GPD2: variants seen among roughly 807,000 people sequenced by gnomAD.
GPD2 encodes the protein glycerol-3-phosphate dehydrogenase 2.
A neutral mutation model predicts 82.4 loss-of-function variants in GPD2; 54 were observed. That is an observed-to-expected ratio of 0.66 (90% confidence interval 0.53 to 0.82). The LOEUF is 0.82. Among genes scored for constraint, GPD2 ranks in the 40% least tolerant of loss-of-function variants. The pLI, the probability that GPD2 is intolerant of heterozygous loss-of-function variation, is 0.00. For synonymous variants in GPD2, 288 were observed against 306.1 expected (o/e 0.94, Z 0.62); for missense variants, 748 against 896.2 (o/e 0.83, Z 2.11).
At chr2:156,510,732 C>T in intron 3 of GPD2, 64 bp from the exon 4 acceptor site, 1 of 1,343,982 alleles carries the variant, frequency 7.4e-7, no homozygotes, top group East Asian at 2.3e-5. Flanking sequence ...TGGAGAAGTG[C>T]CTTTAATGAA....
intron 16 of GPD2, among the ~76,000 whole-genome samples, chr2:156,581,672 A>G (rs1045045644): frequency 1.3e-5 from 2 of 152,094 alleles, no homozygotes; most frequent in African/African-American, 4.8e-5. Context: ...TAATCTTCAC[A>G]GAAGGATCAC....
At position 156,513,385 on chromosome 2, in the gene GPD2, G is replaced by T; in HGVS notation, c.550G>T (p.Ala184Ser). ...WVGIKLYDLVAGSNCLKSSYV... is the reference protein window; with the variant it reads ...WVGIKLYDLVSGSNCLKSSYV... ...AGGAATCAAGCTGTATGATTTGGTT[G>T]CAGGAAGCAATTGCCTAAAAAGCAG... The change falls in exon 6 of 17, where the codon GCA becomes TCA. Residue 184 changes from alanine to serine, a missense_variant. Transcript: ENST00000438166. 6.2e-7 allele frequency: 1 copy of T among 1,612,086 alleles called. No individual in the cohort carries two copies. Among genetic ancestry groups the T allele is most frequent in the Non-Finnish European group, 8.5e-7 (1 of 1,178,950 alleles).
At chr2:156,497,126 A>G (rs1310541172) in intron 3 of GPD2, among the ~76,000 whole-genome samples, 3 of 152,188 alleles carry the variant, frequency 2.0e-5, no homozygotes, top group Non-Finnish European at 2.9e-5. Flanking sequence ...AAATCTGGGT[A>G]CTTATCCTGG....
chr2:156,501,345 A>C (rs1287938278), intron 3 of GPD2, among the ~76,000 whole-genome samples: 1 of 152,150 alleles, frequency 6.6e-6, no homozygotes, highest in African/African-American at 2.4e-5. Flanking sequence ...TTCCTAAGGC[A>C]GTATAGCGCA....
At chr2:156,537,326 A>G (rs1051099441) in intron 6 of GPD2, among the ~76,000 whole-genome samples, 13 of 152,214 alleles carry the variant, frequency 8.5e-5, no homozygotes, top group African/African-American at 2.9e-4. Context: ...TGACTGTCTC[A>G]GAAACTAATA....
rs564236510 is a variant in GPD2, at chr2:156,444,595, C to T, written c.-9+8082C>T. On this transcript the variant is annotated intron_variant, in intron 1 of 16. Transcript: ENST00000438166. ...AGGCGTGGTGGTGGGTGCCTGTATTCCTAGCTACTCGGGAGGCTGAGGCAT... is the reference window on the plus strand; with the variant it reads ...AGGCGTGGTGGTGGGTGCCTGTATTTCTAGCTACTCGGGAGGCTGAGGCAT... 2.0e-5 allele frequency among the ~76,000 whole-genome samples: 3 copies of T among 152,096 alleles called. No individual in the cohort carries two copies. The East Asian group carries it at 5.8e-4, about 29-fold the overall frequency.
the GPD2 span, among the ~76,000 whole-genome samples, chr2:156,400,340 C>G: frequency 6.6e-6 from 1 of 152,240 alleles, no homozygotes; most frequent in Non-Finnish European, 1.5e-5. Context: ...GGCCCGGGCT[C>G]GAGGTTTGGA....
chr2:156,448,344 G>A (rs1573876620), intron 1 of GPD2, among the ~76,000 whole-genome samples: 1 of 152,142 alleles, frequency 6.6e-6, no homozygotes, highest in East Asian at 1.9e-4. Flanking sequence ...TCCTGACCTC[G>A]TGATCCACCA....
rs1358961804 is a variant in GPD2 at position 156,571,156 on chromosome 2, A to G, written c.1631A>G (p.Tyr544Cys). 6.2e-7 allele frequency: 1 copy of G among 1,609,536 alleles called. No individual in the cohort carries two copies. Among genetic ancestry groups the G allele is most frequent in the East Asian group, 2.2e-5 (1 of 44,864 alleles). ...EAEVKYGIKE[Y>C]ACTAVDMISR... ...CAGGTGAAATATGGGATTAAGGAGTATGCCTGCACTGCTGTGGATATGATT... is the reference window on the plus strand; with the variant it reads ...CAGGTGAAATATGGGATTAAGGAGTGTGCCTGCACTGCTGTGGATATGATT... Residue 544 changes from tyrosine (Y) to cysteine (C), a missense_variant, in exon 13 of 17, where the codon TAT (tyrosine) becomes TGT (cysteine). By Grantham distance (194) the Tyr-to-Cys change is radical. This residue lies in a region of GPD2 where 692 missense variants were observed against 809.7 expected (regional missense o/e 0.85). Transcript: ENST00000438166.
chr2:156,570,817 G>A (rs1404670224), intron 12 of GPD2, among the ~76,000 whole-genome samples: 1 of 152,174 alleles, frequency 6.6e-6, no homozygotes, highest in African/African-American at 2.4e-5. Flanking sequence ...TCCACATTAT[G>A]TATAAGCATA....
intron 11 of GPD2, 64 bp downstream of exon 11, chr2:156,569,602 ACTGGC>A: frequency 8.2e-7 from 1 of 1,218,178 alleles, no homozygotes; most frequent in Non-Finnish European, 1.2e-6. Context: ...CAGTGACAGA[ACTGGC>A]AGCAATCAGG....
At chr2:156,515,888 C>T (rs538527042) in intron 6 of GPD2, among the ~76,000 whole-genome samples, 2 of 152,256 alleles carry the variant, frequency 1.3e-5, no homozygotes, top group Admixed American at 6.5e-5. Flanking sequence ...TGTGGTTTTA[C>T]AACTATATTT....
At chr2:156,469,443 G>A (rs1683252190) in intron 1 of GPD2, among the ~76,000 whole-genome samples, 1 of 152,180 alleles carries the variant, frequency 6.6e-6, no homozygotes, top group African/African-American at 2.4e-5. Flanking sequence ...AGGATTACAG[G>A]TGTGAGCCAC....
intron 6 of GPD2, among the ~76,000 whole-genome samples, chr2:156,544,950 A>G (rs1478970176): frequency 6.6e-6 from 1 of 152,202 alleles, no homozygotes; most frequent in African/African-American, 2.4e-5. Flanking sequence ...ACTTTTGTAA[A>G]TGGTTTATGT....
At chr2:156,489,956 C>T (rs1329751081) in intron 2 of GPD2, among the ~76,000 whole-genome samples, 1 of 149,854 alleles carries the variant, frequency 6.7e-6, no homozygotes, top group Non-Finnish European at 1.5e-5. Flanking sequence ...ACTACCCCCT[C>T]TCCCTGACGC....
chr2:156,506,443 A>G (rs1484352736), intron 3 of GPD2, among the ~76,000 whole-genome samples: 1 of 152,182 alleles, frequency 6.6e-6, no homozygotes, highest in African/African-American at 2.4e-5. Context: ...ACATGTGATA[A>G]CTTTTAAAAT....
chr2:156,443,676 G>A (rs1182599621), intron 1 of GPD2, among the ~76,000 whole-genome samples: 2 of 152,104 alleles, frequency 1.3e-5, no homozygotes, highest in Admixed American at 1.3e-4. Context: ...GGGGCGAAGT[G>A]ACATTATAAA....
the GPD2 span, among the ~76,000 whole-genome samples, chr2:156,404,378 C>T: frequency 6.6e-6 from 1 of 151,956 alleles, no homozygotes; most frequent in African/African-American, 2.4e-5. Flanking sequence ...CAGAGCAAGA[C>T]CATGTCTCTA....
intron 2 of GPD2, among the ~76,000 whole-genome samples, chr2:156,477,387 A>T (rs1683551381): frequency 2.6e-5 from 4 of 152,164 alleles, no homozygotes; most frequent in Admixed American, 2.6e-4. Flanking sequence ...AGCTGAGATC[A>T]TGCCACTGTA....
Sources: gnomAD v4.1 joint callset for allele counts (sites outside exome capture counted in the v4.1 genomes callset) on GRCh38, gnomAD v4.1.1 for gene constraint, gnomAD v4.1.1 regional missense constraint, MANE v1.5 for transcripts, NCBI Gene and HGNC (gene_info 2026-07-23, HGNC 2026-07-21) for gene names.